Variants in IRF4 observed in about 807,000 individuals in gnomAD.
The protein encoded by IRF4 is lymphocyte-specific interferon regulatory factor.
In IRF4, 13 loss-of-function variants were observed where a neutral mutation model predicts 55.5. The ratio of observed to expected loss-of-function variants is 0.23; its 90% CI spans 0.15 to 0.37. The LOEUF is 0.37. IRF4 is among the 10% of genes least tolerant of loss of function. The probability of loss-of-function intolerance (pLI) is 1.00; values close to 1 mark genes in which losing one functional copy is unlikely to be tolerated. For missense variants in IRF4, 397 were observed against 593.8 expected (o/e 0.67, Z 3.44); for synonymous variants, 249 against 240.7 (o/e 1.03, Z -0.32).
chr6:394,392 G>A (rs1464738137), intron 2 of IRF4, among the ~76,000 whole-genome samples: 1 of 152,202 alleles, frequency 6.6e-6, no homozygotes, highest in Non-Finnish European at 1.5e-5. Flanking sequence ...TTCAGTTTAC[G>A]TTCTGAGCAA....
chr6:400,597 A>G (rs367730553), intron 6 of IRF4, among the ~76,000 whole-genome samples: 3 of 152,186 alleles, frequency 2.0e-5, no homozygotes, highest in African/African-American at 7.2e-5. Flanking sequence ...AAAACACCAC[A>G]TATCCAGTGT....
chr6:411,063 G>GGCGTGT lies in IRF4; in HGVS notation c.*3465_*3466insGCGTGT. On this transcript the variant is annotated 3_prime_UTR_variant, in exon 9 of 9. Transcript: ENST00000380956. ...TAAGAAATGTAGCTGAAGTAGAGGG[G>GGCGTGT]ACGTGAGAGAAGGGCCAGGCCGGCA... 1 of 233,826 alleles carries GGCGTGT rather than the reference G, an allele frequency of 4.3e-6. No individual in the cohort carries two copies. The highest frequency in any genetic ancestry group is 2.2e-5 in the African/African-American group (1 of 45,454). 14.5% of individuals were successfully genotyped at this position (233,826 alleles called of 1,614,324 possible). A position where few individuals can be genotyped will look rare whatever the true frequency, so the allele number is the denominator to read the frequency against.
intron 6 of IRF4, among the ~76,000 whole-genome samples, chr6:400,560 C>G (rs1761369256): frequency 6.6e-6 from 1 of 152,094 alleles, no homozygotes; most frequent in Non-Finnish European, 1.5e-5. Context: ...TAATTTCTTT[C>G]TTTTCACAAG....
chr6:402,302 C>G (rs1761423547), intron 7 of IRF4, among the ~76,000 whole-genome samples: 1 of 152,168 alleles, frequency 6.6e-6, no homozygotes, highest in African/African-American at 2.4e-5. Context: ...TTTTCAGAAC[C>G]AGTGAGTTTT....
intron 8 of IRF4, among the ~76,000 whole-genome samples, chr6:405,577 T>G (rs1761524840): frequency 6.6e-6 from 1 of 152,268 alleles, no homozygotes; most frequent in African/African-American, 2.4e-5. Flanking sequence ...AGGCATTTTG[T>G]AGGTCTCTGC....
chr6:400,486 T>C (rs1166157359), intron 6 of IRF4, among the ~76,000 whole-genome samples: 1 of 152,194 alleles, frequency 6.6e-6, no homozygotes, highest in Non-Finnish European at 1.5e-5. Context: ...TTTTCAAACT[T>C]AAACACAAAG....
rs1392160915 is a variant in IRF4 at position 398,821 on chromosome 6, A to T, written c.638-7A>T. 6.2e-7 allele frequency: 1 copy of T among 1,608,718 alleles called. No homozygotes were observed. The highest frequency in any genetic ancestry group is 1.1e-5 in the South Asian group (1 of 90,816). On this transcript the variant is annotated splice_polypyrimidine_tract_variant and splice_region_variant and intron_variant, in intron 5 of 8. Coordinates refer to ENST00000380956, the MANE Select transcript of IRF4 (RefSeq NM_002460.4). ...AGACATCATCTGATTTTTATTTGCAAATGCAGGTTGCCAGGTGACAGGAAC... is the reference window on the plus strand; with the variant it reads ...AGACATCATCTGATTTTTATTTGCATATGCAGGTTGCCAGGTGACAGGAAC...
At chr6:392,575 C>T (rs1761134530) in intron 1 of IRF4, among the ~76,000 whole-genome samples, 1 of 152,240 alleles carries the variant, frequency 6.6e-6, no homozygotes, top group Non-Finnish European at 1.5e-5. Flanking sequence ...GGTCTGGATG[C>T]GAGCAGAGAA....
chr6:392,323 C>G (rs1355564436), intron 1 of IRF4, among the ~76,000 whole-genome samples: 1 of 152,252 alleles, frequency 6.6e-6, no homozygotes, highest in Admixed American at 6.5e-5. Flanking sequence ...CCGAGCCTTG[C>G]GTGCGGTGGC....
Position 407,520 on chromosome 6 carries a change from G to A in IRF4, c.1278G>A (p.Arg426=), listed in dbSNP as rs1761575686. Residue 426 remains arginine (R), a synonymous_variant, in exon 9 of 9, where the codon AGG becomes AGA. Coordinates refer to ENST00000380956, the MANE Select transcript of IRF4 (RefSeq NM_002460.4). Reference sequence around the variant, plus strand: ...AACAAAACAGTGGACATTTCCTGAGGGGCTACGATTTACCAGAACACATCA... The same window carrying A: ...AACAAAACAGTGGACATTTCCTGAGAGGCTACGATTTACCAGAACACATCA... The part of the protein sequence containing the change: ...FAQQNSGHFL[R]GYDLPEHISN... The A allele has an allele frequency of 6.2e-7, 1 of 1,613,016 alleles. No homozygotes were observed. Among genetic ancestry groups the A allele is most frequent in the Non-Finnish European group, 8.5e-7 (1 of 1,179,326 alleles).
intron 8 of IRF4, among the ~76,000 whole-genome samples, chr6:405,782 TAG>T (rs3839618): frequency 0.011 from 1,647 of 152,322 alleles, 37 homozygotes; most frequent in Admixed American, 0.045. Flanking sequence ...GGATTAGGGT[TAG>T]AGTTTTCTTT....
Position 409,028 on chromosome 6 carries a change from C to T in IRF4, c.*1430C>T, listed in dbSNP as rs1016665262. On this transcript the variant is annotated 3_prime_UTR_variant, in exon 9 of 9. Coordinates refer to ENST00000380956, the MANE Select transcript of IRF4 (RefSeq NM_002460.4). ...CAGCAGTAGACTGGGGCGTCACCTCCAGGCCGTTTCTCATACTACAGGATA... is the reference window on the plus strand; with the variant it reads ...CAGCAGTAGACTGGGGCGTCACCTCTAGGCCGTTTCTCATACTACAGGATA... The T allele has an allele frequency of 2.1e-4, 47 of 220,922 alleles. 1 individual carries two copies. The highest frequency in any genetic ancestry group is 9.1e-6 in the Non-Finnish European group (1 of 110,240). The allele number at this position is 220,922 out of a possible 1,614,324, so 13.7% of individuals were successfully genotyped here. A position where few individuals can be genotyped will look rare whatever the true frequency, so the allele number is the denominator to read the frequency against.
rs113364548 is a variant in IRF4, at chr6:401,644, C to G, written c.966C>G (p.Asp322Glu). The stretch of plus-strand genomic sequence containing the variant: ...GCGTGGTCCTCTGGATGGCCCCCGA[C>G]GGGCTCTATGCGAAAAGACTGTGCC... ...ERGVVLWMAPDGLYAKRLCQS... is the reference protein window; with the variant it reads ...ERGVVLWMAPEGLYAKRLCQS... Residue 322 changes from aspartate to glutamate, a missense_variant, in exon 7 of 9, where the codon GAC becomes GAG. Physicochemically the swap from Asp to Glu is conservative, Grantham distance 45. Coordinates refer to ENST00000380956, the MANE Select transcript of IRF4 (RefSeq NM_002460.4). 1 of 1,614,204 alleles carries G rather than the reference C, an allele frequency of 6.2e-7. No individual in the cohort carries two copies. The highest frequency in any genetic ancestry group is 8.5e-7 in the Non-Finnish European group (1 of 1,180,034).
At chr6:406,552 C>A (rs76760800) in intron 8 of IRF4, among the ~76,000 whole-genome samples, 3 of 151,148 alleles carry the variant, frequency 2.0e-5, no homozygotes, top group Admixed American at 6.6e-5. Context: ...AAAAAAAAAA[C>A]AAAAAAAGAA....
At chr6:405,250 A>T (rs1226993985) in intron 8 of IRF4, 120 bp downstream of exon 8, 1 of 650,266 alleles carries the variant, frequency 1.5e-6, no homozygotes, top group East Asian at 2.7e-5. Context: ...AATAAGCGTA[A>T]CCCTTAAACT....
rs772851591 is a variant in IRF4 at position 398,914 on chromosome 6, G to T, written c.724G>T (p.Ala242Ser). The change falls in exon 6 of 9, where the codon GCC (alanine) becomes TCC (serine). Residue 242 changes from alanine (A) to serine (S), a missense_variant. By Grantham distance (99) the Ala-to-Ser change is moderately conservative. Coordinates refer to ENST00000380956, the MANE Select transcript of IRF4 (RefSeq NM_002460.4). ...GVPTEPSIRSAEALAFSDCRL... is the reference protein window; with the variant it reads ...GVPTEPSIRSSEALAFSDCRL... ...CCCCACAGAGCCAAGCATAAGGTCT[G>T]CCGAAGCCTTGGCGTTCTCAGGTGA... The T allele has an allele frequency of 6.2e-7, 1 of 1,612,242 alleles. No homozygotes were observed. The highest frequency in any genetic ancestry group is 2.2e-5 in the East Asian group (1 of 44,872).
intron 1 of IRF4, 197 bp downstream of exon 1, chr6:392,006 C>T: frequency 2.7e-6 from 1 of 368,558 alleles, no homozygotes; most frequent in East Asian, 7.8e-5. Context: ...GGCTCCAAGG[C>T]CCGCCTCCTT....
chr6:392,723 C>T (rs139795494), intron 1 of IRF4, among the ~76,000 whole-genome samples: 106 of 152,098 alleles, frequency 7.0e-4, no homozygotes, highest in Admixed American at 2.4e-3. Context: ...TGGGAGTGAG[C>T]GAAGGCAAGC....
In IRF4 at chr6:393,159, C is replaced by G; in HGVS notation, c.7C>G (p.Leu3Val). 2 of 1,549,872 alleles carry G rather than the reference C, an allele frequency of 1.3e-6. No homozygotes were observed. The highest frequency in any genetic ancestry group is 1.4e-5 in the African/African-American group (1 of 73,092). The part of the protein sequence containing the change: MN[L>V]EGGGRGGEFG... Reference sequence around the variant, plus strand: ...CGCGGACGGCACGCGGGGCATGAACCTGGAGGGCGGCGGCCGAGGCGGAGA... The same window carrying G: ...CGCGGACGGCACGCGGGGCATGAACGTGGAGGGCGGCGGCCGAGGCGGAGA... Residue 3 changes from leucine (L) to valine (V), a missense_variant, in exon 2 of 9, where the codon CTG (leucine) becomes GTG (valine). Leu to Val is a conservative substitution (Grantham distance 32). Around this residue, in one of 3 missense-constraint regions of IRF4, gnomAD observed 34 missense variants for 29.4 expected, o/e 1.16. Coordinates refer to ENST00000380956, the MANE Select transcript of IRF4 (RefSeq NM_002460.4). This position sits in a 1 kb window ranked among gnomAD's most constrained non-coding sequence, Gnocchi z 5.4.
Sources: allele counts gnomAD v4.1 joint callset (sites outside exome capture counted in the v4.1 genomes callset), GRCh38; gene constraint gnomAD v4.1.1; regional missense constraint gnomAD v4.1.1; non-coding constraint Gnocchi (gnomAD v3.1); transcripts MANE v1.5; gene names NCBI Gene and HGNC (gene_info 2026-07-23, HGNC 2026-07-21).